The following ERC2 variants were observed in gnomAD, a reference collection of about 807,000 sequenced individuals.
ERC2 encodes the protein ELKS/RAB6-interacting/CAST family member 2.
Under a neutral mutation model 114.8 loss-of-function variants are expected in ERC2, and 42 were observed. The observed-to-expected ratio is 0.37, with a 90% CI of 0.29 to 0.47. ERC2 has a LOEUF of 0.47. Among genes scored for constraint, ERC2 ranks in the 20% least tolerant of loss-of-function variants. ERC2 has a pLI of 0.99. For missense variants in ERC2, 939 were observed against 1,150.7 expected (o/e 0.82, Z 2.66); for synonymous variants, 454 against 425.5 (o/e 1.07, Z -0.82).
chr3:55,716,304 G>A lies in ERC2; in HGVS notation c.2713-16792C>T, dbSNP rs756036. Among the ~76,000 whole-genome samples the A allele has an allele frequency of 7.9e-5, 12 of 152,020 alleles. No homozygotes were observed. In the East Asian group the frequency reaches 1.7e-3, roughly 22 times the overall value. On this transcript the variant is annotated intron_variant, in intron 15 of 17. Coordinates refer to ENST00000288221, the MANE Select transcript of ERC2 (RefSeq NM_015576.3). ...GTCTCTAATTACAAGCACACAGACT[G>A]ATCTCAACTCTTGTGCTTCCCTTGC... is the stretch of plus-strand genomic sequence containing the variant.
chr3:56,411,293 G>A (rs149780941), intron 2 of ERC2, among the ~76,000 whole-genome samples: 4 of 151,578 alleles, frequency 2.6e-5, no homozygotes, highest in Non-Finnish European at 4.4e-5. Context: ...TCCTCCATGA[G>A]CACATCAAAA....
At chr3:55,744,872 A>C (rs1279855134) in intron 14 of ERC2, among the ~76,000 whole-genome samples, 7 of 152,230 alleles carry the variant, frequency 4.6e-5, no homozygotes, top group African/African-American at 7.2e-5. Flanking sequence ...GATCATCGTG[A>C]GAATTAAGGG....
At chr3:55,862,220 T>G (rs1364934083) in intron 14 of ERC2, among the ~76,000 whole-genome samples, 1 of 152,162 alleles carries the variant, frequency 6.6e-6, no homozygotes, top group Non-Finnish European at 1.5e-5. Flanking sequence ...ACATTTTTTT[T>G]GGTCAGAGTG....
intron 17 of ERC2, among the ~76,000 whole-genome samples, chr3:55,542,827 C>T (rs1410923300): frequency 1.3e-5 from 2 of 152,230 alleles, no homozygotes. Context: ...ATAGTCAAAA[C>T]TTCTCTAAGC....
chr3:55,776,944 G>A (rs565112432), intron 14 of ERC2, among the ~76,000 whole-genome samples: 2 of 152,062 alleles, frequency 1.3e-5, no homozygotes, highest in Non-Finnish European at 2.9e-5. Context: ...GAAAAAACAC[G>A]GGAGACATCT....
chr3:56,161,847 C>T (rs945886687), intron 4 of ERC2, among the ~76,000 whole-genome samples: 20 of 152,228 alleles, frequency 1.3e-4, no homozygotes, highest in Non-Finnish European at 2.5e-4. Flanking sequence ...TATAGCTTGA[C>T]TTCTTTTCCT....
chr3:55,977,378 T>C (rs1031751197), intron 12 of ERC2, among the ~76,000 whole-genome samples: 4 of 88,512 alleles, frequency 4.5e-5, no homozygotes, highest in Non-Finnish European at 9.5e-5. Context: ...AAATGTCAGA[T>C]CAAAGACAAA....
intron 16 of ERC2, among the ~76,000 whole-genome samples, chr3:55,692,226 G>C (rs1234954716): frequency 6.6e-6 from 1 of 152,174 alleles, no homozygotes; most frequent in Non-Finnish European, 1.5e-5. Context: ...CATTCACAGA[G>C]AGGGGCTCAG....
intron 17 of ERC2, among the ~76,000 whole-genome samples, chr3:55,640,582 A>G (rs1250303892): frequency 6.6e-6 from 1 of 152,220 alleles, no homozygotes; most frequent in Admixed American, 6.5e-5. Flanking sequence ...CAAGAGACTG[A>G]ACCAGTCCAT....
intron 6 of ERC2, among the ~76,000 whole-genome samples, 157 bp from the exon 7 acceptor site, chr3:56,081,141 G>C (rs1484405243): frequency 6.6e-6 from 1 of 151,848 alleles, no homozygotes; most frequent in Non-Finnish European, 1.5e-5. Flanking sequence ...CATTTTAACA[G>C]CCTACATCCT....
chr3:55,511,721 T>C (rs1359149164), intron 17 of ERC2, among the ~76,000 whole-genome samples: 1 of 152,210 alleles, frequency 6.6e-6, no homozygotes, highest in African/African-American at 2.4e-5. Context: ...GGTTAAGATA[T>C]CAGAGAACTT....
At chr3:56,006,924 T>C (rs761832510) in intron 10 of ERC2, among the ~76,000 whole-genome samples, 7 of 152,072 alleles carry the variant, frequency 4.6e-5, no homozygotes, top group Non-Finnish European at 8.8e-5. Flanking sequence ...CTGGTTTTTA[T>C]AATATTTTTA....
chr3:55,535,948 G>T (rs1184193353), intron 17 of ERC2, among the ~76,000 whole-genome samples: 1 of 151,458 alleles, frequency 6.6e-6, no homozygotes, highest in South Asian at 2.1e-4. Context: ...GCAGTGAGCC[G>T]AGATCACACC....
intron 4 of ERC2, among the ~76,000 whole-genome samples, chr3:56,157,648 GT>G (rs1456805408): frequency 6.6e-6 from 1 of 151,702 alleles, no homozygotes; most frequent in Non-Finnish European, 1.5e-5. Context: ...TGCTCTTCCC[GT>G]TCCTTTTAAC....
At chr3:55,836,431 A>G (rs1011270621) in intron 14 of ERC2, among the ~76,000 whole-genome samples, 2 of 152,196 alleles carry the variant, frequency 1.3e-5, no homozygotes, top group South Asian at 2.1e-4. Flanking sequence ...ACAGAACAGA[A>G]CCCTCAGAAA....
intron 14 of ERC2, among the ~76,000 whole-genome samples, chr3:55,820,945 T>C (rs924380167): frequency 3.9e-5 from 6 of 152,148 alleles, no homozygotes; most frequent in Non-Finnish European, 7.3e-5. Flanking sequence ...GTTTTATAAC[T>C]TGAAGGTTTC....
chr3:55,768,559 G>A lies in ERC2; in HGVS notation c.2565-33641C>T, dbSNP rs145872974. 2.3e-3 allele frequency among the ~76,000 whole-genome samples: 345 copies of A among 152,330 alleles called. 1 individual carries two copies. The highest frequency in any genetic ancestry group is 7.9e-3 in the African/African-American group (328 of 41,578). On this transcript the variant is annotated intron_variant, in intron 14 of 17. Coordinates refer to ENST00000288221, the MANE Select transcript of ERC2 (RefSeq NM_015576.3). The stretch of plus-strand genomic sequence containing the variant: ...TAAAGGGACAAAGAGTTACAGGGGA[G>A]AGGGTATACTTTAGCTAGGCCTTCC...
At chr3:55,932,788 C>T (rs369751112) in intron 13 of ERC2, among the ~76,000 whole-genome samples, 20 of 152,006 alleles carry the variant, frequency 1.3e-4, no homozygotes, top group African/African-American at 4.6e-4. Flanking sequence ...TTTTTTTCAG[C>T]GAATACTCAG....
intron 13 of ERC2, among the ~76,000 whole-genome samples, chr3:55,889,751 C>G (rs969941679): frequency 7.9e-5 from 12 of 152,168 alleles, no homozygotes; most frequent in African/African-American, 2.9e-4. Flanking sequence ...AATACCCCTT[C>G]CAGCTGAACT....
Sources: gnomAD v4.1 joint callset for allele counts (sites outside exome capture counted in the v4.1 genomes callset) on GRCh38, gnomAD v4.1.1 for gene constraint, MANE v1.5 for transcripts, NCBI Gene and HGNC (gene_info 2026-07-23, HGNC 2026-07-21) for gene names.